SARNP: variants seen among roughly 807,000 people sequenced by gnomAD.
SARNP encodes SAP domain-containing ribonucleoprotein.
SARNP carries 5 observed loss-of-function variants against 38.1 expected under a neutral mutation model. That is an observed-to-expected ratio of 0.13 (90% CI 0.07 to 0.28). The LOEUF (loss-of-function observed/expected upper bound fraction) is 0.28, where lower values mean the gene tolerates loss of function less well. Among genes scored for constraint, SARNP ranks in the 10% least tolerant of loss-of-function variants. The pLI, the probability that SARNP is intolerant of heterozygous loss-of-function variation, is 1.00. For synonymous variants in SARNP, 84 were observed against 80.6 expected, an observed-to-expected ratio of 1.04 and a Z score of -0.23; for missense variants, 180 against 243.9, an observed-to-expected ratio of 0.74 and a Z score of 1.75.
At chr12:55,803,790 G>T (rs1880055927) in intron 1 of SARNP, 62 bp from the exon 2 acceptor site, 2 of 1,079,088 alleles carry the variant, frequency 1.9e-6, no homozygotes. Flanking sequence ...GAATAAAATG[G>T]TAGTTCCCAC....
intron 9 of SARNP, among the ~76,000 whole-genome samples, chr12:55,761,184 A>AT (rs1255201264): frequency 6.6e-6 from 1 of 151,952 alleles, no homozygotes; most frequent in Middle Eastern, 3.4e-3. Flanking sequence ...TCAAAAAAAA[A>AT]AATAATAAAT....
intron 4 of SARNP, among the ~76,000 whole-genome samples, chr12:55,799,988 A>G (rs1879932680): frequency 6.6e-6 from 1 of 151,880 alleles, no homozygotes; most frequent in African/African-American, 2.4e-5. Context: ...TCAGGAGTTC[A>G]AAACCAGCCT....
At chr12:55,804,771 T>A (rs193253988) in intron 1 of SARNP, among the ~76,000 whole-genome samples, 2 of 152,130 alleles carry the variant, frequency 1.3e-5, no homozygotes, top group African/African-American at 2.4e-5. Context: ...AAATTCTATA[T>A]GCAGATCAAC....
chr12:55,797,955 T>A (rs1425039917), intron 4 of SARNP, among the ~76,000 whole-genome samples: 1 of 152,238 alleles, frequency 6.6e-6, no homozygotes, highest in Non-Finnish European at 1.5e-5. Context: ...CTGAACAGAA[T>A]GCACATTTTA....
chr12:55,773,162 T>C (rs1261784653), intron 9 of SARNP, among the ~76,000 whole-genome samples: 2 of 152,170 alleles, frequency 1.3e-5, no homozygotes, highest in Non-Finnish European at 2.9e-5. Context: ...AAATGCAGAT[T>C]TCAGGCCACA....
intron 9 of SARNP, among the ~76,000 whole-genome samples, chr12:55,769,471 C>T (rs1039538536): frequency 6.6e-6 from 1 of 152,136 alleles, no homozygotes; most frequent in African/African-American, 2.4e-5. Flanking sequence ...GCTTTCTAGC[C>T]CCCAGATCCA....
At chr12:55,753,358 A>G (rs1878387853), downstream of SARNP, 3 of 152,228 alleles carry the variant, frequency 2.0e-5, no homozygotes, top group South Asian at 6.2e-4. Context: ...CTAAAATAGC[A>G]TCTCAAATAT....
downstream of SARNP, chr12:55,752,638 T>G (rs1185636414): frequency 6.6e-6 from 1 of 152,186 alleles, no homozygotes; most frequent in Non-Finnish European, 1.5e-5. Context: ...ACAGCCTTTG[T>G]TAAGGGTGTC....
chr12:55,777,204 A>G (rs1465759485), intron 9 of SARNP, among the ~76,000 whole-genome samples: 5 of 152,190 alleles, frequency 3.3e-5, no homozygotes, highest in Non-Finnish European at 5.9e-5. Flanking sequence ...ATTAAAAGGT[A>G]CAAGAGCTTA....
At chr12:55,799,908 G>A (rs1879929588) in intron 4 of SARNP, among the ~76,000 whole-genome samples, 1 of 151,166 alleles carries the variant, frequency 6.6e-6, no homozygotes, top group South Asian at 2.1e-4. Flanking sequence ...TAACAGAATG[G>A]GCCGGGCACG....
intron 7 of SARNP, among the ~76,000 whole-genome samples, chr12:55,792,382 T>C (rs944957221): frequency 3.9e-5 from 6 of 151,956 alleles, no homozygotes; most frequent in Admixed American, 6.6e-5. Flanking sequence ...GTTCTTTTTG[T>C]TTTTTTGAGA....
At position 55,803,724 on chromosome 12, in the gene SARNP, G is replaced by A; in HGVS notation, c.41C>T (p.Ala14Val). The part of the protein sequence containing the change: ...ETVELHKLKL[A>V]ELKQECLARG... The stretch of plus-strand genomic sequence containing the variant: ...AGCAAGACATTCTTGCTTTAGTTCG[G>A]CAAGCTGAGGGGAAAAAAATAAAAC... The change falls in exon 2 of 11, where the codon GCC (alanine) becomes GTC (valine). Residue 14 changes from alanine to valine, a missense_variant. Physicochemically the swap from Ala to Val is moderately conservative, Grantham distance 64. Coordinates refer to ENST00000336133, the MANE Select transcript of SARNP (RefSeq NM_033082.4). The A allele has an allele frequency of 6.2e-7, 1 of 1,611,020 alleles. No individual in the cohort carries two copies. Among genetic ancestry groups the A allele is most frequent in the Non-Finnish European group, 8.5e-7 (1 of 1,177,822 alleles).
intron 10 of SARNP, among the ~76,000 whole-genome samples, chr12:55,758,298 T>C (rs879300190): frequency 6.6e-6 from 1 of 152,176 alleles, no homozygotes; most frequent in Non-Finnish European, 1.5e-5. Context: ...CTGATCTGAC[T>C]CTAAAATTTT....
chr12:55,769,873 T>C (rs1200197138), intron 9 of SARNP, among the ~76,000 whole-genome samples: 1 of 152,248 alleles, frequency 6.6e-6, no homozygotes. Flanking sequence ...TAAGGTCAAC[T>C]AGCTAAGCTA....
rs201417670 is a variant in SARNP at position 55,795,977 on chromosome 12, G to A, written c.303+48C>T. 7.8e-6 allele frequency: 10 copies of A among 1,279,774 alleles called. No individual in the cohort carries two copies. The Admixed American group carries it at 1.1e-4, about 14-fold the overall frequency. The allele number at this position is 1,279,774 out of a possible 1,614,324, so 79.3% of individuals were successfully genotyped here. ...GATGCAGATATAATAAAGGGTAAGA[G>A]GGAGAGAGAAATGTAGAGACTGTTC... On this transcript the variant is annotated intron_variant, in intron 5 of 10. Transcript: ENST00000336133.
At chr12:55,792,543 T>TA (rs1317823011) in intron 7 of SARNP, 4 of 149,360 alleles carry the variant, frequency 2.7e-5, no homozygotes, top group Non-Finnish European at 6.0e-5. Context: ...AGCTTTTTTT[T>TA]TTTTTTTTTT....
intron 1 of SARNP, among the ~76,000 whole-genome samples, chr12:55,816,715 C>T (rs976917975): frequency 1.2e-4 from 19 of 152,192 alleles, no homozygotes; most frequent in African/African-American, 3.6e-4. Flanking sequence ...CAGACAATTA[C>T]TCAAGATATC....
Position 55,800,843 on chromosome 12 carries a change from A to T in SARNP, c.183+11T>A. 1.2e-6 allele frequency: 2 copies of T among 1,608,154 alleles called. No individual in the cohort carries two copies. Among genetic ancestry groups the T allele is most frequent in the Non-Finnish European group, 8.5e-7 (1 of 1,174,522 alleles). On this transcript the variant is annotated intron_variant, in intron 3 of 10. Coordinates refer to ENST00000336133, the MANE Select transcript of SARNP (RefSeq NM_033082.4). ...CATTACCAGAGACTAACCTTACTCT[A>T]TCCAACTCACCTCTGTTTCATCTCC...
chr12:55,778,444 C>T (rs1190868028), intron 9 of SARNP, among the ~76,000 whole-genome samples: 1 of 152,112 alleles, frequency 6.6e-6, no homozygotes, highest in African/African-American at 2.4e-5. Context: ...ACTGTGCTGA[C>T]CTGTTTCCCC....
Sources: gnomAD v4.1 joint callset for allele counts (sites outside exome capture counted in the v4.1 genomes callset) on GRCh38, gnomAD v4.1.1 for gene constraint, MANE v1.5 for transcripts, NCBI Gene and HGNC (gene_info 2026-07-23, HGNC 2026-07-21) for gene names.